The following VRTN variants were observed in gnomAD, a reference collection of about 807,000 sequenced individuals.
VRTN encodes vertebrae development associated, also known as vertnin.
Under a neutral mutation model 18.2 loss-of-function variants are expected in VRTN, and 5 were observed. The ratio of observed to expected loss-of-function variants is 0.27; its 90% CI spans 0.14 to 0.58. The LOEUF is 0.58. Ranked by LOEUF, VRTN falls within the 20% of genes least tolerant of loss-of-function variation. The pLI, the probability that VRTN is intolerant of heterozygous loss-of-function variation, is 0.91. For missense variants in VRTN, 741 were observed against 939.4 expected, an observed-to-expected ratio of 0.79 and a Z score of 2.76; for synonymous variants, 381 against 393.7, an observed-to-expected ratio of 0.97 and a Z score of 0.38.
At chr14:74,355,114 C>G (rs2085716041) in intron 1 of VRTN, among the ~76,000 whole-genome samples, 2 of 146,466 alleles carry the variant, frequency 1.4e-5, no homozygotes, top group Admixed American at 1.4e-4. Flanking sequence ...TGCACTCCAG[C>G]CTGGGTGACA....
At chr14:74,306,173 T>TATATATATATATATATATGTATG (rs1491480014) in intron 1 of VRTN, 85 of 48,010 alleles carry the variant, frequency 1.8e-3, no homozygotes, top group African/African-American at 7.9e-3. Flanking sequence ...TATATATATA[T>TATATATATATATATATATGTATG]TTTTTTTTTT....
At chr14:74,304,925 G>A (rs2085329765) in intron 1 of VRTN, among the ~76,000 whole-genome samples, 1 of 152,176 alleles carries the variant, frequency 6.6e-6, no homozygotes. Flanking sequence ...CCTCTCTAGG[G>A]TAATCTAGGT....
intron 1 of VRTN, among the ~76,000 whole-genome samples, chr14:74,333,008 C>G (rs920122853): frequency 2.6e-5 from 4 of 152,190 alleles, no homozygotes; most frequent in African/African-American, 9.6e-5. Flanking sequence ...GTCTCCCAAG[C>G]TAGATTTCTT....
intron 2 of VRTN, among the ~76,000 whole-genome samples, chr14:74,340,176 G>A (rs934375347): frequency 2.0e-5 from 3 of 147,882 alleles, no homozygotes; most frequent in Admixed American, 1.4e-4. Context: ...GCAAGGGCAC[G>A]ATCTCAGCTC....
At chr14:74,336,559 A>G (rs919532017) in intron 1 of VRTN, among the ~76,000 whole-genome samples, 1 of 152,196 alleles carries the variant, frequency 6.6e-6, no homozygotes, top group African/African-American at 2.4e-5. Flanking sequence ...AAGTGGATTC[A>G]TAAGATTTAT....
At chr14:74,309,849 G>GT (rs998594127) in intron 1 of VRTN, among the ~76,000 whole-genome samples, 3 of 151,842 alleles carry the variant, frequency 2.0e-5, no homozygotes, top group Admixed American at 6.6e-5. Context: ...ACAAATTGAT[G>GT]TTTTTTTTAA....
rs184300148 is a variant in VRTN, at chr14:74,309,590, C to T, written c.-164+6414C>T. ...CTAGGGCTCACTGCAGCCTCAACAA[C>T]GGAGGCTAAGGCAGGAGGATTGCTT... On this transcript the variant is annotated intron_variant, in intron 1 of 2. Coordinates refer to the VRTN transcript ENST00000557177. Among the ~76,000 whole-genome samples, 556 of 152,192 alleles carry T rather than the reference C, an allele frequency of 3.7e-3. 7 individuals are homozygous for T. The highest frequency in any genetic ancestry group is 5.3e-3 in the Non-Finnish European group (362 of 68,008).
chr14:74,339,997 A>G (rs991654352), intron 2 of VRTN, among the ~76,000 whole-genome samples: 5 of 151,864 alleles, frequency 3.3e-5, no homozygotes, highest in African/African-American at 4.8e-5. Flanking sequence ...GTGCAGTGGC[A>G]TGATCTCAGC....
intron 1 of VRTN, among the ~76,000 whole-genome samples, chr14:74,317,718 C>T (rs966918517): frequency 2.6e-5 from 4 of 152,088 alleles, no homozygotes; most frequent in African/African-American, 4.8e-5. Context: ...ATGAGAATCA[C>T]GTGAACTTGG....
At position 74,357,257 on chromosome 14, in the gene VRTN, T is replaced by G; in HGVS notation, c.474T>G (p.Asp158Glu). Reference sequence around the variant, plus strand: ...CCGCCACGCTGGAGGCCATCTTCGATGCCGACGTCAAGGCCTCCTGTTTCC... The same window carrying G: ...CCGCCACGCTGGAGGCCATCTTCGAGGCCGACGTCAAGGCCTCCTGTTTCC... ...LPPATLEAIF[D>E]ADVKASCFPS... The change falls in exon 2 of 2, where the codon GAT becomes GAG. Residue 158 changes from aspartate to glutamate, a missense_variant. By Grantham distance (45) the Asp-to-Glu change is conservative (BLOSUM62 2). Around this residue, in one of 3 missense-constraint regions of VRTN, gnomAD observed 186 missense variants for 288.3 expected, o/e 0.65. Coordinates refer to ENST00000256362, the MANE Select transcript of VRTN (RefSeq NM_018228.3). The surrounding 1 kb of genome is among the most constrained non-coding windows in gnomAD (Gnocchi z 7.8). 1.2e-6 allele frequency: 2 copies of G among 1,613,776 alleles called. No homozygotes were observed. Among genetic ancestry groups the G allele is most frequent in the South Asian group, 2.2e-5 (2 of 91,074 alleles).
chr14:74,351,116 G>A (rs1275033199), intron 1 of VRTN, among the ~76,000 whole-genome samples: 12 of 152,206 alleles, frequency 7.9e-5, no homozygotes, highest in Non-Finnish European at 1.6e-4. Flanking sequence ...CATTCAACAA[G>A]TGACATAATG....
chr14:74,341,394 T>C (rs192029964), intron 2 of VRTN, among the ~76,000 whole-genome samples: 7 of 152,222 alleles, frequency 4.6e-5, no homozygotes, highest in African/African-American at 1.7e-4. Flanking sequence ...CTGTTCAACA[T>C]AGGACTTGCT....
At chr14:74,338,101 T>C (rs1297407404) in intron 2 of VRTN, among the ~76,000 whole-genome samples, 1 of 152,190 alleles carries the variant, frequency 6.6e-6, no homozygotes, top group East Asian at 1.9e-4. Context: ...ATCCCTGACA[T>C]TTTATTCCTA....
chr14:74,325,735 A>G (rs1200621460), intron 1 of VRTN, among the ~76,000 whole-genome samples: 2 of 152,158 alleles, frequency 1.3e-5, no homozygotes, highest in Non-Finnish European at 2.9e-5. Flanking sequence ...GCACCACTGT[A>G]CTCCAGCCTG....
At chr14:74,342,524 CAT>C (rs2085613873) in intron 2 of VRTN, among the ~76,000 whole-genome samples, 3 of 151,486 alleles carry the variant, frequency 2.0e-5, no homozygotes. Flanking sequence ...TATATGTGTA[CAT>C]ATATATACAC....
At chr14:74,306,895 C>T (rs1364499942) in intron 1 of VRTN, among the ~76,000 whole-genome samples, 7 of 151,932 alleles carry the variant, frequency 4.6e-5, no homozygotes, top group East Asian at 1.9e-4. Flanking sequence ...GCGGAGCCAC[C>T]GCTCCTGGCC....
At chr14:74,306,139 AATATACATATATAT>A (rs2085347028) in intron 1 of VRTN, 1 of 101,910 alleles carries the variant, frequency 9.8e-6, no homozygotes, top group Non-Finnish European at 1.9e-5. Flanking sequence ...TATATGTAAA[AATATACATATATAT>A]ATATATATAT....
At chr14:74,354,497 C>G (rs755012981) in intron 1 of VRTN, among the ~76,000 whole-genome samples, 1 of 151,948 alleles carries the variant, frequency 6.6e-6, no homozygotes. Flanking sequence ...CTCTGCCTCC[C>G]GGGTTCAAGC....
chr14:74,313,980 C>A (rs113651555), intron 1 of VRTN, among the ~76,000 whole-genome samples: 199 of 152,190 alleles, frequency 1.3e-3, no homozygotes, highest in African/African-American at 4.6e-3. Flanking sequence ...TTAGATATCA[C>A]CAAAGGACTC....
Sources: allele counts gnomAD v4.1 joint callset (sites outside exome capture counted in the v4.1 genomes callset), GRCh38; gene constraint gnomAD v4.1.1; regional missense constraint gnomAD v4.1.1; non-coding constraint Gnocchi (gnomAD v3.1); transcripts MANE v1.5; gene names NCBI Gene and HGNC (gene_info 2026-07-23, HGNC 2026-07-21).